Variants in LRP6 observed in about 807,000 individuals in gnomAD.
LRP6 encodes the protein LDL receptor related protein 6.
LRP6 carries 43 observed loss-of-function variants against 184.1 expected under a neutral mutation model. The observed-to-expected ratio is 0.23, with a 90% CI of 0.18 to 0.30. The LOEUF is 0.30. Among genes scored for constraint, LRP6 ranks in the 10% least tolerant of loss-of-function variants. The pLI is 1.00. For synonymous variants in LRP6, 719 were observed against 684.9 expected (o/e 1.05, Z -0.78); for missense variants, 1,571 against 2,005.3 (o/e 0.78, Z 4.14).
chr12:12,244,668 A>C lies in LRP6; in HGVS notation c.56-13T>G, dbSNP rs1371068844. 5.0e-6 allele frequency: 8 copies of C among 1,613,488 alleles called. No individual in the cohort carries two copies. The highest frequency in any genetic ancestry group is 1.6e-4 in the Middle Eastern group (1 of 6,062). On this transcript the variant is annotated splice_polypyrimidine_tract_variant and intron_variant, in intron 1 of 22. Coordinates refer to ENST00000261349, the MANE Select transcript of LRP6 (RefSeq NM_002336.3). ...AACAAAGGGGCCGCTAGAACAAAAAAAGAAAAATATGTAAGTGAAAAGGAA... is the reference window on the plus strand; with the variant it reads ...AACAAAGGGGCCGCTAGAACAAAAACAGAAAAATATGTAAGTGAAAAGGAA...
At chr12:12,168,455 A>C (rs1862946282) in intron 7 of LRP6, among the ~76,000 whole-genome samples, 1 of 152,204 alleles carries the variant, frequency 6.6e-6, no homozygotes, top group Non-Finnish European at 1.5e-5. Context: ...CTTTGAAAGA[A>C]ATGCCTTGAC....
At chr12:12,161,555 G>A (rs374875318) in intron 10 of LRP6, among the ~76,000 whole-genome samples, 14 of 152,162 alleles carry the variant, frequency 9.2e-5, no homozygotes, top group Non-Finnish European at 1.9e-4. Flanking sequence ...ACAAGCGTGA[G>A]CCACCACGCC....
intron 2 of LRP6, among the ~76,000 whole-genome samples, chr12:12,239,877 G>A (rs758699126): frequency 2.0e-5 from 3 of 151,818 alleles, no homozygotes; most frequent in Non-Finnish European, 4.4e-5. Flanking sequence ...TTCAATAAAT[G>A]CTAGGAGATA....
At chr12:12,213,329 TA>T (rs1864259457) in intron 2 of LRP6, among the ~76,000 whole-genome samples, 2 of 152,088 alleles carry the variant, frequency 1.3e-5, no homozygotes, top group Non-Finnish European at 2.9e-5. Context: ...TATATCTTCC[TA>T]AAACATCTTA....
At chr12:12,252,304 C>T (rs1037709299) in intron 1 of LRP6, among the ~76,000 whole-genome samples, 2 of 152,156 alleles carry the variant, frequency 1.3e-5, no homozygotes, top group African/African-American at 4.8e-5. Flanking sequence ...GCCTTTTGTA[C>T]CAACAACTGT....
chr12:12,244,621 G>A lies in LRP6; in HGVS notation c.90C>T (p.Asp30=). The part of the protein sequence containing the change: ...APLLLYANRR[D]LRLVDATNGK... ...CATTTGTAGCATCAACCAATCGCAA[G>A]TCCCGTCTGTTTGCATAAAGCAACA... The change falls in exon 2 of 23, where the codon GAC becomes GAT. Residue 30 remains aspartate (D), a synonymous_variant. Transcript: ENST00000261349. The A allele has an allele frequency of 6.2e-7, 1 of 1,614,064 alleles. No individual in the cohort carries two copies. The highest frequency in any genetic ancestry group is 8.5e-7 in the Non-Finnish European group (1 of 1,180,018).
chr12:12,209,300 A>T (rs1864146037), intron 2 of LRP6, among the ~76,000 whole-genome samples: 1 of 152,266 alleles, frequency 6.6e-6, no homozygotes, highest in South Asian at 2.1e-4. Flanking sequence ...GTGAAATAAA[A>T]TGTTACAAAT....
Position 12,179,865 on chromosome 12 carries a change from A to G in LRP6, c.1490T>C (p.Leu497Ser). ...GTATATTTTGCCTTCATCATAATCC[A>G]AGGCTAAACCATTTGGCCAACCAAG... Reference protein sequence around the residue: ...TSLGWPNGLALDYDEGKIYWG... With the variant: ...TSLGWPNGLASDYDEGKIYWG... Residue 497 changes from leucine (L) to serine (S), a missense_variant, in exon 7 of 23, where the codon TTG (leucine) becomes TCG (serine). By Grantham distance (145) the Leu-to-Ser change is moderately radical. Coordinates refer to ENST00000261349, the MANE Select transcript of LRP6 (RefSeq NM_002336.3). The G allele has an allele frequency of 6.2e-7, 1 of 1,613,980 alleles. No individual in the cohort carries two copies. The highest frequency in any genetic ancestry group is 8.5e-7 in the Non-Finnish European group (1 of 1,179,870).
intron 15 of LRP6, among the ~76,000 whole-genome samples, chr12:12,143,225 C>A (rs961395927): frequency 1.3e-5 from 2 of 152,050 alleles, no homozygotes; most frequent in Non-Finnish European, 2.9e-5. Context: ...ATAGGCAAGA[C>A]CTCTATGCTG....
intron 17 of LRP6, among the ~76,000 whole-genome samples, chr12:12,133,526 A>G (rs2136869408): frequency 6.6e-6 from 1 of 152,212 alleles, no homozygotes; most frequent in African/African-American, 2.4e-5. Context: ...AAGCTGAACA[A>G]TACAGCCGGC....
At position 12,147,415 on chromosome 12, in the gene LRP6, G is replaced by A; in HGVS notation, c.3348C>T (p.Leu1116=). ...ALALDSRLGK[L]FWADSDLRRI... ...GCCGGAGATCTGAATCAGCCCAAAA[G>A]AGCTTGCCCAGCCTGCTATCAAGGG... is the stretch of plus-strand genomic sequence containing the variant. The change falls in exon 15 of 23, where the codon CTC becomes CTT. Residue 1116 remains leucine, a synonymous_variant. Coordinates refer to ENST00000261349, the MANE Select transcript of LRP6 (RefSeq NM_002336.3). The A allele has an allele frequency of 6.2e-7, 1 of 1,614,170 alleles. No individual in the cohort carries two copies. The highest frequency in any genetic ancestry group is 8.5e-7 in the Non-Finnish European group (1 of 1,180,030).
intron 1 of LRP6, among the ~76,000 whole-genome samples, chr12:12,252,766 C>T (rs1052853662): frequency 2.6e-5 from 4 of 152,126 alleles, no homozygotes; most frequent in Middle Eastern, 3.2e-3. Context: ...TAGAAGTTAA[C>T]GACCTACTCC....
At chr12:12,191,759 A>G (rs1863623276) in intron 3 of LRP6, among the ~76,000 whole-genome samples, 1 of 152,144 alleles carries the variant, frequency 6.6e-6, no homozygotes, top group Non-Finnish European at 1.5e-5. Flanking sequence ...TGAAAGAATG[A>G]GAAATACAAA....
At position 12,191,261 on chromosome 12, in the gene LRP6, G is replaced by A. The variant is rs141019614; in HGVS notation, c.648-4142C>T. ...CTTCCCGGGCTCCCTTCCAGACAAA[G>A]CGTCATACTGAAGAGAAATCACTGG... On this transcript the variant is annotated intron_variant, in intron 3 of 22. Coordinates refer to ENST00000261349, the MANE Select transcript of LRP6 (RefSeq NM_002336.3). 2.1e-3 allele frequency among the ~76,000 whole-genome samples: 323 copies of A among 152,290 alleles called. 2 individuals carry two copies. The highest frequency in any genetic ancestry group is 7.6e-3 in the African/African-American group (314 of 41,552).
intron 2 of LRP6, among the ~76,000 whole-genome samples, chr12:12,243,314 AAT>A (rs1303800304): frequency 6.6e-6 from 1 of 152,222 alleles, no homozygotes; most frequent in Non-Finnish European, 1.5e-5. Flanking sequence ...CTTTATTGCA[AAT>A]ATATGTTTAG....
intron 10 of LRP6, 111 bp from the exon 11 acceptor site, chr12:12,160,075 A>C: frequency 2.6e-6 from 2 of 776,828 alleles, no homozygotes; most frequent in Non-Finnish European, 4.0e-6. Flanking sequence ...ACAGCAAATC[A>C]AGGAAATGGG....
Position 12,244,495 on chromosome 12 carries a change from T to C in LRP6, c.216A>G (p.Glu72=). Residue 72 remains glutamate (E), a synonymous_variant, in exon 2 of 23, where the codon GAA becomes GAG. Transcript: ENST00000261349. ...HGLIYWSDVS[E]EAIKRTEFNK... Reference sequence around the variant, plus strand: ...TAAATTCTGTTCGTTTAATGGCTTCTTCGCTGACATCACTCCAGTATATCA... The same window carrying C: ...TAAATTCTGTTCGTTTAATGGCTTCCTCGCTGACATCACTCCAGTATATCA... The C allele has an allele frequency of 6.2e-7, 1 of 1,614,220 alleles. No homozygotes were observed.
chr12:12,117,421 G>A lies in LRP6; in HGVS notation c.*3705C>T, dbSNP rs968988387. On this transcript the variant is annotated 3_prime_UTR_variant, in exon 23 of 23. Coordinates refer to ENST00000261349, the MANE Select transcript of LRP6 (RefSeq NM_002336.3). ...ATTTATTAAGAGCTGACATATTTCG[G>A]ATGTGAAAAGTCCAAGATTTTTGTT... 1 of 152,176 alleles carries A rather than the reference G, an allele frequency of 6.6e-6. No individual in the cohort carries two copies. Among genetic ancestry groups the A allele is most frequent in the Non-Finnish European group, 1.5e-5 (1 of 68,028 alleles). The allele number at this position is 152,176 out of a possible 1,614,324, so 9.4% of individuals were successfully genotyped here. A position where few individuals can be genotyped will look rare whatever the true frequency, so the allele number is the denominator to read the frequency against.
At position 12,158,849 on chromosome 12, in the gene LRP6, G is replaced by A; in HGVS notation, c.2771C>T (p.Ala924Val). The A allele has an allele frequency of 6.2e-7, 1 of 1,614,176 alleles. No homozygotes were observed. Among genetic ancestry groups the A allele is most frequent in the Middle Eastern group, 1.6e-4 (1 of 6,062 alleles). ...CGCPAHYSLN[A>V]DNRTCSAPTT... ...CTTACCACTACAAGTCCTGTTGTCA[G>A]CATTAAGAGAGTAGTGGGCAGGGCA... Residue 924 changes from alanine (A) to valine (V), a missense_variant, in exon 12 of 23, where the codon GCT (alanine) becomes GTT (valine). By Grantham distance (64) the Ala-to-Val change is moderately conservative. This residue lies in a region of LRP6 where 763 missense variants were observed against 859.5 expected (regional missense o/e 0.89). Transcript: ENST00000261349.
Sources: gnomAD v4.1 joint callset for allele counts (sites outside exome capture counted in the v4.1 genomes callset) on GRCh38, gnomAD v4.1.1 for gene constraint, gnomAD v4.1.1 regional missense constraint, MANE v1.5 for transcripts, NCBI Gene and HGNC (gene_info 2026-07-23, HGNC 2026-07-21) for gene names.